FAAH2: variants seen among roughly 807,000 people sequenced by gnomAD.
The protein encoded by FAAH2 is fatty-acid amide hydrolase 2.
A neutral mutation model predicts 36.9 loss-of-function variants in FAAH2; 60 were observed. The observed-to-expected ratio is 1.63, with a 90% confidence interval of 1.32 to 2.02. The LOEUF is 2.02. Among genes scored for constraint, FAAH2 ranks in the 30% most tolerant of loss-of-function variants. The pLI is 0.00. For missense variants in FAAH2, 689 were observed against 397.5 expected, an observed-to-expected ratio of 1.73 and a Z score of -6.23; for synonymous variants, 214 against 143.8, an observed-to-expected ratio of 1.49 and a Z score of -3.49.
At chrX:57,477,904 T>G in intron 10 of FAAH2, among the ~76,000 whole-genome samples, 1 of 112,042 alleles carries the variant, frequency 8.9e-6, no homozygotes, top group Non-Finnish European at 1.9e-5. Context: ...GACATTTGGG[T>G]TGGTTCCAAG....
chrX:57,181,239 A>T, the FAAH2 span, among the ~76,000 whole-genome samples: 1 of 110,889 alleles, frequency 9.0e-6, no homozygotes, highest in Non-Finnish European at 1.9e-5. Context: ...TCCTGGCCAG[A>T]GCAATCAGGC....
At chrX:57,371,231 G>T (rs1191094602) in intron 5 of FAAH2, among the ~76,000 whole-genome samples, 2 of 111,114 alleles carry the variant, frequency 1.8e-5, no homozygotes, top group South Asian at 7.7e-4. Context: ...GTACCTTTTT[G>T]ACCCTTGCCC....
chrX:57,150,649 T>G, the FAAH2 span, among the ~76,000 whole-genome samples: 1 of 112,180 alleles, frequency 8.9e-6, no homozygotes, highest in Non-Finnish European at 1.9e-5. Flanking sequence ...TGAGCCTATG[T>G]GTATCTCTGC....
chrX:57,468,143 G>A (rs2057086436), intron 10 of FAAH2, among the ~76,000 whole-genome samples: 2 of 111,154 alleles, frequency 1.8e-5, no homozygotes, highest in African/African-American at 6.6e-5. Flanking sequence ...CACAAAGATG[G>A]TGAAAAAACA....
At chrX:57,244,557 A>G in the FAAH2 span, among the ~76,000 whole-genome samples, 1 of 111,371 alleles carries the variant, frequency 9.0e-6, no homozygotes. Flanking sequence ...TGTTAGTCAG[A>G]AGAGTGGGGC....
intron 5 of FAAH2, among the ~76,000 whole-genome samples, chrX:57,354,917 C>T (rs749203511): frequency 9.0e-5 from 10 of 110,597 alleles, no homozygotes; most frequent in Non-Finnish European, 1.7e-4. Flanking sequence ...CATTTTAAAA[C>T]ATATACACAG....
intron 5 of FAAH2, among the ~76,000 whole-genome samples, chrX:57,353,945 G>A (rs2054096059): frequency 9.0e-6 from 1 of 110,891 alleles, no homozygotes; most frequent in South Asian, 3.7e-4. Context: ...AATACAGAAA[G>A]TAACAGATGT....
chrX:57,338,472 T>C (rs1033045775), intron 4 of FAAH2, among the ~76,000 whole-genome samples: 1 of 111,976 alleles, frequency 8.9e-6, no homozygotes, highest in African/African-American at 3.2e-5. Context: ...TTTTCACTTC[T>C]TTTGTGATTC....
At chrX:57,385,769 G>A (rs949593054) in intron 7 of FAAH2, among the ~76,000 whole-genome samples, 6 of 110,826 alleles carry the variant, frequency 5.4e-5, no homozygotes, top group South Asian at 3.9e-4. Flanking sequence ...TTAGCCGGGC[G>A]CGGTGGCGGG....
chrX:57,227,638 G>T, the FAAH2 span, among the ~76,000 whole-genome samples: 9 of 111,694 alleles, frequency 8.1e-5, no homozygotes, highest in African/African-American at 2.9e-4. Flanking sequence ...CTACCAGGAG[G>T]TGGCACTTTC....
At position 57,431,966 on chromosome X, in the gene FAAH2, A is replaced by G; in HGVS notation, c.1045A>G (p.Lys349Glu). ...TILGASVQHV[K>E]LKKMKYSFQL... ...TCTAGGAGCCTCAGTTCAACATGTT[A>G]AACTGAAGAAAATGAAGTACTCTTT... The change falls in exon 8 of 11, where the codon AAA becomes GAA. Residue 349 changes from lysine to glutamate, a missense_variant. By Grantham distance (56) the Lys-to-Glu change is moderately conservative. Coordinates refer to ENST00000374900, the MANE Select transcript of FAAH2 (RefSeq NM_174912.4). 1 of 1,203,782 alleles carries G rather than the reference A, an allele frequency of 8.3e-7. No homozygotes were observed. The highest frequency in any genetic ancestry group is 1.8e-5 in the South Asian group (1 of 56,502).
At chrX:57,439,946 C>G (rs548898619) in intron 8 of FAAH2, among the ~76,000 whole-genome samples, 9 of 111,287 alleles carry the variant, frequency 8.1e-5, no homozygotes, top group South Asian at 7.6e-4. Context: ...GTTCTGTTCT[C>G]TTCCATTGAT....
the FAAH2 span, among the ~76,000 whole-genome samples, chrX:57,188,894 T>C: frequency 9.0e-6 from 1 of 111,358 alleles, no homozygotes; most frequent in African/African-American, 3.3e-5. Context: ...AATATCTTAG[T>C]GGTGTTCTCT....
chrX:57,310,874 A>ATAT (rs1569248505), intron 3 of FAAH2, 145 bp downstream of exon 3: 1 of 627,008 alleles, frequency 1.6e-6, no homozygotes, highest in Non-Finnish European at 2.3e-6. Flanking sequence ...ATATTCAGCA[A>ATAT]GTTCCATTGG....
the FAAH2 span, among the ~76,000 whole-genome samples, chrX:57,188,161 G>A: frequency 9.0e-6 from 1 of 111,399 alleles, no homozygotes; most frequent in Non-Finnish European, 1.9e-5. Flanking sequence ...TGTACCTCTG[G>A]TAGAATTCAG....
At chrX:57,380,070 A>C (rs1199520437) in intron 6 of FAAH2, among the ~76,000 whole-genome samples, 1 of 111,136 alleles carries the variant, frequency 9.0e-6, no homozygotes, top group Non-Finnish European at 1.9e-5. Context: ...TTCATGGAAA[A>C]TGGGGTAGGT....
chrX:57,301,367 A>G (rs760632749), intron 2 of FAAH2, among the ~76,000 whole-genome samples: 1 of 106,857 alleles, frequency 9.4e-6, no homozygotes, highest in Non-Finnish European at 1.9e-5. Context: ...CAAGGACAAA[A>G]AACCAAACAC....
At chrX:57,124,436 G>C in the FAAH2 span, among the ~76,000 whole-genome samples, 4 of 111,639 alleles carry the variant, frequency 3.6e-5, no homozygotes, top group African/African-American at 1.3e-4. Flanking sequence ...GTCAGGTAGC[G>C]TGATGCCTCC....
chrX:57,260,743 A>ATG, the FAAH2 span, among the ~76,000 whole-genome samples: 728 of 109,738 alleles, frequency 6.6e-3, 4 homozygotes, highest in African/African-American at 0.017. Flanking sequence ...ATCAAAGGAT[A>ATG]TGTGTGTGTG....
Sources: gnomAD v4.1 joint callset for allele counts (sites outside exome capture counted in the v4.1 genomes callset) on GRCh38, gnomAD v4.1.1 for gene constraint, MANE v1.5 for transcripts, NCBI Gene and HGNC (gene_info 2026-07-23, HGNC 2026-07-21) for gene names.